The following DLGAP4 variants were observed in gnomAD, a reference collection of about 807,000 sequenced individuals.
DLGAP4 encodes DLG associated protein 4.
DLGAP4 carries 18 observed loss-of-function variants against 86.9 expected under a neutral mutation model. The observed-to-expected ratio is 0.21, with a 90% CI of 0.14 to 0.31. DLGAP4 has a LOEUF of 0.31. Ranked by LOEUF, DLGAP4 falls within the 10% of genes least tolerant of loss-of-function variation. The pLI, the probability that DLGAP4 is intolerant of heterozygous loss-of-function variation, is 1.00. For missense variants in DLGAP4, 1,085 were observed against 1,362.6 expected (o/e 0.80, Z 3.21); for synonymous variants, 548 against 574.3 (o/e 0.95, Z 0.65).
intron 10 of DLGAP4, among the ~76,000 whole-genome samples, chr20:36,505,546 G>A (rs192087609): frequency 1.6e-3 from 237 of 152,126 alleles, no homozygotes; most frequent in African/African-American, 5.2e-3. Flanking sequence ...AGGCCAAGGC[G>A]AGAGGATCTC....
intron 10 of DLGAP4, among the ~76,000 whole-genome samples, chr20:36,517,020 C>G (rs1818253266): frequency 6.6e-6 from 1 of 151,696 alleles, no homozygotes; most frequent in Admixed American, 6.6e-5. Flanking sequence ...CCCGCCTCGG[C>G]CTCCCAGAGT....
chr20:36,329,310 C>T lies in DLGAP4; in HGVS notation c.-304+22798C>T, dbSNP rs545405280. 2.6e-5 allele frequency among the ~76,000 whole-genome samples: 4 copies of T among 152,298 alleles called. No individual in the cohort carries two copies. In the South Asian group the frequency reaches 8.3e-4, roughly 32 times the overall value. On this transcript the variant is annotated intron_variant, in intron 1 of 12. Transcript: ENST00000339266. ...GGAGCCAAACAGTCATGAGTTTGAACCTGGATGTACCACAGGTCACCAGTT... is the reference window on the plus strand; with the variant it reads ...GGAGCCAAACAGTCATGAGTTTGAATCTGGATGTACCACAGGTCACCAGTT...
chr20:36,402,337 A>G (rs1213486849), intron 2 of DLGAP4, among the ~76,000 whole-genome samples: 2 of 152,194 alleles, frequency 1.3e-5, no homozygotes, highest in African/African-American at 4.8e-5. Context: ...CCTCTATAAA[A>G]GAAAAGGCAT....
chr20:36,369,621 G>T (rs2030844084), intron 2 of DLGAP4, among the ~76,000 whole-genome samples: 1 of 152,130 alleles, frequency 6.6e-6, no homozygotes, highest in Non-Finnish European at 1.5e-5. Flanking sequence ...CATAAAGGCT[G>T]GACAAGGATT....
intron 1 of DLGAP4, among the ~76,000 whole-genome samples, chr20:36,326,996 CTTTTT>C (rs377378667): frequency 2.7e-4 from 27 of 99,478 alleles, no homozygotes; most frequent in African/African-American, 1.2e-3. Context: ...AAGATTTTCT[CTTTTT>C]TTTTTTTTTT....
chr20:36,462,483 G>A, intron 7 of DLGAP4: 1 of 1,577,560 alleles, frequency 6.3e-7, no homozygotes, highest in Admixed American at 1.9e-5. Flanking sequence ...CTAGCCCCCT[G>A]TCTCCCCTTC....
intron 1 of DLGAP4, among the ~76,000 whole-genome samples, chr20:36,353,459 T>C (rs1337137092): frequency 6.6e-6 from 1 of 152,232 alleles, no homozygotes; most frequent in African/African-American, 2.4e-5. Context: ...CCCCTTCTGC[T>C]GTCTCCCCAG....
chr20:36,340,785 G>A (rs1461416482), intron 1 of DLGAP4, among the ~76,000 whole-genome samples: 3 of 152,214 alleles, frequency 2.0e-5, no homozygotes, highest in African/African-American at 7.2e-5. Context: ...CCCTCGGGGG[G>A]CTGTCGGGAG....
chr20:36,442,894 C>T, intron 6 of DLGAP4, 117 bp downstream of exon 6: 1 of 1,351,372 alleles, frequency 7.4e-7, no homozygotes, highest in Non-Finnish European at 1.1e-6. Flanking sequence ...GAGCCATCAC[C>T]AGGAAAGCCA....
chr20:36,487,691 C>G (rs1474272202), intron 7 of DLGAP4, among the ~76,000 whole-genome samples: 2 of 152,182 alleles, frequency 1.3e-5, no homozygotes, highest in African/African-American at 4.8e-5. Context: ...CACCACCCAT[C>G]TAGACGCAGG....
chr20:36,397,341 G>A (rs1365606132), intron 2 of DLGAP4, among the ~76,000 whole-genome samples: 2 of 152,170 alleles, frequency 1.3e-5, no homozygotes, highest in Non-Finnish European at 2.9e-5. Flanking sequence ...AGAAACCAAA[G>A]CTATTCTATC....
intron 2 of DLGAP4, among the ~76,000 whole-genome samples, chr20:36,389,999 C>T (rs201515873): frequency 6.6e-6 from 1 of 152,228 alleles, no homozygotes; most frequent in East Asian, 1.9e-4. Context: ...GGAGGCTGGG[C>T]TCCTGGCCTT....
In DLGAP4 at chr20:36,526,825, C is replaced by T. The variant is rs774936593; in HGVS notation, c.2773C>T (p.Pro925Ser). 3 of 1,604,214 alleles carry T rather than the reference C, an allele frequency of 1.9e-6. No individual in the cohort carries two copies. The highest frequency in any genetic ancestry group is 2.5e-6 in the Non-Finnish European group (3 of 1,177,074). ...TPEKRKEEKK[P>S]PPPVPKKPAK... Reference sequence around the variant, plus strand: ...TGTCTCACTAAAGGAAGAGAAGAAACCACCCCCTCCGGTCCCAAAGAAGCC... The same window carrying T: ...TGTCTCACTAAAGGAAGAGAAGAAATCACCCCCTCCGGTCCCAAAGAAGCC... Residue 925 changes from proline to serine, a missense_variant, in exon 13 of 13, where the codon CCA becomes TCA. Around this residue, in one of 2 missense-constraint regions of DLGAP4, gnomAD observed 1,082 missense variants for 1,344.1 expected, o/e 0.81. Transcript: ENST00000339266.
chr20:36,387,312 C>T (rs947499438), intron 2 of DLGAP4, among the ~76,000 whole-genome samples: 2 of 152,214 alleles, frequency 1.3e-5, no homozygotes, highest in East Asian at 1.9e-4. Context: ...GAATTTTTCT[C>T]TTCTGCAAAA....
chr20:36,368,689 A>G (rs917880007), intron 2 of DLGAP4, among the ~76,000 whole-genome samples: 3 of 152,190 alleles, frequency 2.0e-5, no homozygotes, highest in African/African-American at 7.2e-5. Context: ...ATCATTTGCA[A>G]ACACACCTTA....
intron 1 of DLGAP4, among the ~76,000 whole-genome samples, chr20:36,319,189 C>T (rs145606268): frequency 1.9e-4 from 29 of 152,042 alleles, no homozygotes; most frequent in African/African-American, 7.0e-4. Flanking sequence ...AGGTGGGCAT[C>T]TGTCTCAGGC....
At position 36,415,170 on chromosome 20, in the gene DLGAP4, G is replaced by T. The variant is rs1004715443; in HGVS notation, c.-72-16476G>T. ...AATCCCAGCTACTCAGGAGGCTGAG[G>T]CATGAAAATCGCTTGAACCTGGAGG... On this transcript the variant is annotated intron_variant, in intron 2 of 12. Transcript: ENST00000339266. 5.9e-5 allele frequency among the ~76,000 whole-genome samples: 9 copies of T among 152,240 alleles called. No homozygotes were observed. The East Asian group carries it at 1.5e-3, about 26-fold the overall frequency.
chr20:36,462,569 A>G, intron 7 of DLGAP4: 1 of 1,599,484 alleles, frequency 6.3e-7, no homozygotes. Flanking sequence ...TCCGGCCCTC[A>G]TGGCTTTGTG....
At chr20:36,516,434 G>A (rs1282107716) in intron 10 of DLGAP4, among the ~76,000 whole-genome samples, 1 of 151,948 alleles carries the variant, frequency 6.6e-6, no homozygotes, top group Non-Finnish European at 1.5e-5. Context: ...TGGGAGCCGA[G>A]GTGGGTGGAT....
Sources: gnomAD v4.1 joint callset for allele counts (sites outside exome capture counted in the v4.1 genomes callset) on GRCh38, gnomAD v4.1.1 for gene constraint, gnomAD v4.1.1 regional missense constraint, MANE v1.5 for transcripts, NCBI Gene and HGNC (gene_info 2026-07-23, HGNC 2026-07-21) for gene names.